Variants in TMEM178B observed in about 807,000 individuals in gnomAD.
The protein encoded by TMEM178B is transmembrane protein 178B.
A neutral mutation model predicts 31.0 loss-of-function variants in TMEM178B; 5 were observed. The observed-to-expected ratio is 0.16, with a 90% CI of 0.08 to 0.34. The LOEUF is 0.34. TMEM178B is among the 10% of genes least tolerant of loss of function. The probability of loss-of-function intolerance (pLI) is 1.00; values close to 1 mark genes in which losing one functional copy is unlikely to be tolerated. For missense variants in TMEM178B, 275 were observed against 400.3 expected, an observed-to-expected ratio of 0.69 and a Z score of 2.67; for synonymous variants, 164 against 164.0, an observed-to-expected ratio of 1.00 and a Z score of 0.00.
At chr7:141,101,958 C>T (rs1282798484) in intron 1 of TMEM178B, among the ~76,000 whole-genome samples, 2 of 149,294 alleles carry the variant, frequency 1.3e-5, no homozygotes, top group Non-Finnish European at 3.0e-5. Context: ...CATGCTCATA[C>T]TGTATGCTTA....
intron 2 of TMEM178B, among the ~76,000 whole-genome samples, chr7:141,373,539 G>T (rs1197212511): frequency 6.6e-6 from 1 of 152,242 alleles, no homozygotes; most frequent in East Asian, 1.9e-4. Flanking sequence ...GAACTACCAT[G>T]CAGTTGCAGC....
intron 3 of TMEM178B, among the ~76,000 whole-genome samples, chr7:141,454,201 C>T (rs551793385): frequency 8.5e-5 from 13 of 152,316 alleles, no homozygotes; most frequent in East Asian, 7.7e-4. Context: ...CTCTGGCTCA[C>T]GGCTTTTTAT....
At chr7:141,509,206 G>T in the TMEM178B span, among the ~76,000 whole-genome samples, 1 of 152,170 alleles carries the variant, frequency 6.6e-6, no homozygotes, top group Admixed American at 6.6e-5. Context: ...TAGCATCAGT[G>T]AGAATAAATA....
In TMEM178B at chr7:141,432,146, C is replaced by CTTTTTTTTTTTTTTTTT. The variant is rs71170797; in HGVS notation, c.497-5450_497-5434dup. Among the ~76,000 whole-genome samples the CTTTTTTTTTTTTTTTTT allele has an allele frequency of 5.9e-4, 47 of 79,082 alleles. 2 individuals carry two copies. The highest frequency in any genetic ancestry group is 7.5e-3 in the Middle Eastern group (1 of 134). 51.9% of individuals were successfully genotyped at this position (79,082 alleles called of 152,430 possible). Reference sequence around the variant, plus strand: ...TTTCTTTTTCTCTCCTTCACTGCATCTTTTTTTTTTTTTTTTTTTTTTTTT... The same window carrying CTTTTTTTTTTTTTTTTT: ...TTTCTTTTTCTCTCCTTCACTGCATCTTTTTTTTTTTTTTTTTTTTTTTTTTTTTTTTTTTTTTTTTT... On this transcript the variant is annotated intron_variant, in intron 2 of 3. Transcript: ENST00000565468.
intron 2 of TMEM178B, among the ~76,000 whole-genome samples, chr7:141,307,694 A>G (rs1798838604): frequency 6.6e-6 from 1 of 152,242 alleles, no homozygotes; most frequent in South Asian, 2.1e-4. Context: ...AATAGGAAGT[A>G]AGAAAACACT....
At chr7:141,411,642 G>A (rs568428360) in intron 2 of TMEM178B, among the ~76,000 whole-genome samples, 10 of 152,274 alleles carry the variant, frequency 6.6e-5, no homozygotes, top group South Asian at 2.1e-4. Flanking sequence ...TTTGTTTGGC[G>A]CATTCAATTT....
chr7:141,166,795 C>T (rs1796269368), intron 1 of TMEM178B, among the ~76,000 whole-genome samples: 1 of 152,214 alleles, frequency 6.6e-6, no homozygotes, highest in South Asian at 2.1e-4. Flanking sequence ...AGGACAGCTT[C>T]TCCTGCAGAT....
rs567747048 is a variant in TMEM178B, at chr7:141,210,725, A to G, written c.383-1866A>G. Among the ~76,000 whole-genome samples, 4 of 152,114 alleles carry G rather than the reference A, an allele frequency of 2.6e-5. No individual in the cohort carries two copies. The East Asian group carries it at 7.7e-4, about 29-fold the overall frequency. On this transcript the variant is annotated intron_variant, in intron 1 of 3. Transcript: ENST00000565468. ...TGTAAACATCTTCTGTGTGTGCACC[A>G]TAGCATAAGTAAAGTTGGAAACCAG...
At chr7:141,140,828 C>T (rs910981568) in intron 1 of TMEM178B, among the ~76,000 whole-genome samples, 3 of 152,184 alleles carry the variant, frequency 2.0e-5, no homozygotes, top group African/African-American at 7.2e-5. Context: ...ACCACAGAGG[C>T]GAAGTGCCAT....
At chr7:141,450,206 C>G (rs1801838560) in intron 3 of TMEM178B, among the ~76,000 whole-genome samples, 1 of 152,210 alleles carries the variant, frequency 6.6e-6, no homozygotes, top group Admixed American at 6.5e-5. Context: ...TCTATAGATG[C>G]TATCAAAAGG....
chr7:141,470,903 C>G lies in TMEM178B; in HGVS notation c.*117C>G, dbSNP rs868362008. The G allele has an allele frequency of 7.0e-6, 4 of 572,536 alleles. No homozygotes were observed. The Admixed American group carries it at 1.6e-4, about 23-fold the overall frequency. The allele number at this position is 572,536 out of a possible 1,614,324, so 35.5% of individuals were successfully genotyped here. A position where few individuals can be genotyped will look rare whatever the true frequency, so the allele number is the denominator to read the frequency against. On this transcript the variant is annotated 3_prime_UTR_variant, in exon 4 of 4. Transcript: ENST00000565468. Reference sequence around the variant, plus strand: ...GTGCCAAGGTAGAGTTGAGTTGGCTCAGGCACCTGCATCTCGCCGGACTTT... The same window carrying G: ...GTGCCAAGGTAGAGTTGAGTTGGCTGAGGCACCTGCATCTCGCCGGACTTT...
chr7:141,505,432 T>C, the TMEM178B span, among the ~76,000 whole-genome samples: 3 of 152,244 alleles, frequency 2.0e-5, no homozygotes, highest in African/African-American at 7.2e-5. Flanking sequence ...TGTGTGCCAT[T>C]ATGAGTCCTC....
intron 3 of TMEM178B, among the ~76,000 whole-genome samples, chr7:141,443,799 G>A (rs893398892): frequency 2.6e-5 from 4 of 152,136 alleles, no homozygotes; most frequent in African/African-American, 9.7e-5. Context: ...ATTCTTCTGC[G>A]TGGGAGGAGG....
intron 2 of TMEM178B, among the ~76,000 whole-genome samples, chr7:141,392,887 T>C (rs1395798752): frequency 2.7e-5 from 4 of 148,786 alleles, no homozygotes; most frequent in African/African-American, 7.4e-5. Flanking sequence ...TAGATGTAGG[T>C]TCTAATGGGG....
At chr7:141,214,830 C>T (rs1797105347) in intron 2 of TMEM178B, among the ~76,000 whole-genome samples, 1 of 151,986 alleles carries the variant, frequency 6.6e-6, no homozygotes, top group Non-Finnish European at 1.5e-5. Flanking sequence ...CTATTTTTAA[C>T]TGATAAAAGC....
intron 2 of TMEM178B, among the ~76,000 whole-genome samples, chr7:141,314,275 A>G (rs1798963814): frequency 6.6e-6 from 1 of 152,170 alleles, no homozygotes; most frequent in Non-Finnish European, 1.5e-5. Context: ...CCTCTCACAC[A>G]TCATTGGTAC....
intron 2 of TMEM178B, among the ~76,000 whole-genome samples, chr7:141,276,670 C>T (rs900509351): frequency 1.3e-5 from 2 of 152,114 alleles, no homozygotes; most frequent in African/African-American, 4.8e-5. Flanking sequence ...AACTACAATT[C>T]AAGATGAGAT....
At chr7:141,182,852 C>T (rs187421521) in intron 1 of TMEM178B, among the ~76,000 whole-genome samples, 1 of 152,286 alleles carries the variant, frequency 6.6e-6, no homozygotes, top group Non-Finnish European at 1.5e-5. Flanking sequence ...CCTTTGCCTT[C>T]CACCGTTTCC....
At chr7:141,193,667 G>C (rs188082751) in intron 1 of TMEM178B, among the ~76,000 whole-genome samples, 42 of 152,346 alleles carry the variant, frequency 2.8e-4, no homozygotes, top group Admixed American at 7.8e-4. Flanking sequence ...GAAGCCAAGA[G>C]TAGACTGGAT....
Sources: allele counts gnomAD v4.1 joint callset (sites outside exome capture counted in the v4.1 genomes callset), GRCh38; gene constraint gnomAD v4.1.1; transcripts MANE v1.5; gene names NCBI Gene and HGNC (gene_info 2026-07-23, HGNC 2026-07-21).